Variants in RCC1 observed in about 807,000 individuals in gnomAD.
The protein encoded by RCC1 is regulator of chromosome condensation.
A neutral mutation model predicts 44.4 loss-of-function variants in RCC1; 11 were observed. That is an observed-to-expected ratio of 0.25 (90% CI 0.16 to 0.41). The LOEUF is 0.41. Among genes scored for constraint, RCC1 ranks in the 10% least tolerant of loss-of-function variants. RCC1 has a pLI of 1.00. For synonymous variants in RCC1, 213 were observed against 216.5 expected (o/e 0.98, Z 0.14); for missense variants, 386 against 547.1 (o/e 0.71, Z 2.94).
chr1:28,513,171 G>T (rs1662669063), intron 3 of RCC1, among the ~76,000 whole-genome samples: 1 of 151,808 alleles, frequency 6.6e-6, no homozygotes, highest in Admixed American at 6.6e-5. Flanking sequence ...GGAGTAGCTG[G>T]AATTACAGTC....
intron 3 of RCC1, among the ~76,000 whole-genome samples, chr1:28,514,460 CA>C (rs1156601606): frequency 2.6e-4 from 27 of 104,484 alleles, no homozygotes; most frequent in African/African-American, 8.4e-4. Flanking sequence ...AAAAAAAAAA[CA>C]AAAAAAAAAC....
In RCC1 at chr1:28,508,872, A is replaced by G. The variant is rs1342427143; in HGVS notation, c.-186A>G. The G allele has an allele frequency of 1.9e-6, 1 of 517,004 alleles. No individual in the cohort carries two copies. 32.0% of individuals were successfully genotyped at this position (517,004 alleles called of 1,614,324 possible). ...ACTTCGCATTTTGGCATTGACATTT[A>G]ATTTTAGGGTCCTTTATATAGAAGG... is the stretch of plus-strand genomic sequence containing the variant. On this transcript the variant is annotated 5_prime_UTR_variant, in exon 3 of 13. Coordinates refer to ENST00000683442, the MANE Select transcript of RCC1 (RefSeq NM_001381865.2).
chr1:28,535,974 C>T lies in RCC1; in HGVS notation c.765C>T (p.Ile255=). 6.2e-7 allele frequency: 1 copy of T among 1,614,152 alleles called. No homozygotes were observed. The highest frequency in any genetic ancestry group is 8.5e-7 in the Non-Finnish European group (1 of 1,180,024). ...AFCGAYFTFA[I]SHEGHVYGFG... is the part of the protein sequence containing the mutation. ...GTGGTGCCTATTTCACCTTTGCCAT[C>T]TCCCATGAGGGCCACGTGTACGGCT... The change falls in exon 10 of 13, where the codon ATC becomes ATT. Residue 255 remains isoleucine, a synonymous_variant. Transcript: ENST00000683442.
chr1:28,530,563 C>G (rs1320621795), intron 5 of RCC1: 1 of 1,606,448 alleles, frequency 6.2e-7, no homozygotes, highest in East Asian at 2.2e-5. Context: ...CTGGCGCCCG[C>G]TCCTGCCAAG....
At chr1:28,529,037 ATTTTTTTTTTTT>A (rs779736390) in intron 4 of RCC1, among the ~76,000 whole-genome samples, 1 of 101,894 alleles carries the variant, frequency 9.8e-6, no homozygotes, top group Non-Finnish European at 2.1e-5. Context: ...TAATTTTTGT[ATTTTTTTTTTTT>A]TTTTTGGTGG....
chr1:28,511,826 A>C (rs1662562981), intron 3 of RCC1, among the ~76,000 whole-genome samples: 1 of 150,496 alleles, frequency 6.6e-6, no homozygotes, highest in Non-Finnish European at 1.5e-5. Flanking sequence ...ATGCCCGGCT[A>C]ATTTTTTTTG....
chr1:28,527,454 G>A (rs1295873345), intron 4 of RCC1, among the ~76,000 whole-genome samples: 1 of 152,056 alleles, frequency 6.6e-6, no homozygotes, highest in East Asian at 1.9e-4. Context: ...TGTTGCCCAC[G>A]CTGGTCTTGA....
In RCC1 at chr1:28,536,351, C is replaced by T; in HGVS notation, c.907C>T (p.Gln303Ter). The T allele has an allele frequency of 6.2e-7, 1 of 1,614,120 alleles. No homozygotes were observed. The highest frequency in any genetic ancestry group is 1.3e-5 in the African/African-American group (1 of 75,054). The stretch of plus-strand genomic sequence containing the variant: ...GTCCTGGGTGGGCTTCTCTGGTGGC[C>T]AGCACCATACAGTCTGCATGGATTC... The part of the protein sequence containing the change: ...TKSWVGFSGG[Q>*]HHTVCMDSEG... Residue 303 changes from glutamine to a stop codon, truncating the protein, a stop_gained, in exon 11 of 13, where the codon CAG (glutamine) becomes TAG (stop). Transcript: ENST00000683442. LOFTEE classifies it high-confidence loss of function. This position sits in a 1 kb window ranked among gnomAD's most constrained non-coding sequence, Gnocchi z 4.9.
chr1:28,529,003 C>T (rs1489569880), intron 4 of RCC1, among the ~76,000 whole-genome samples: 1 of 150,310 alleles, frequency 6.7e-6, no homozygotes, highest in Non-Finnish European at 1.5e-5. Context: ...GCTGGGATTA[C>T]AGTCGCACAC....
chr1:28,506,582 A>T (rs1661954895), intron 1 of RCC1: 1 of 203,354 alleles, frequency 4.9e-6, no homozygotes, highest in Non-Finnish European at 1.0e-5. Context: ...GAAGTGGGCC[A>T]TGGAGACCTC....
At chr1:28,506,155 G>A in intron 1 of RCC1, 71 bp downstream of exon 1, 1 of 449,890 alleles carries the variant, frequency 2.2e-6, no homozygotes, top group Non-Finnish European at 4.4e-6. Flanking sequence ...CTATAGATCA[G>A]TAGCCGAGCT....
chr1:28,530,498 C>T, intron 5 of RCC1: 1 of 1,587,050 alleles, frequency 6.3e-7, no homozygotes, highest in Non-Finnish European at 8.5e-7. Context: ...TGGACCCACG[C>T]TCAGACAGTG....
At chr1:28,530,017 C>T in intron 5 of RCC1, 78 bp downstream of exon 5, 1 of 1,163,086 alleles carries the variant, frequency 8.6e-7, no homozygotes, top group Non-Finnish European at 1.3e-6. Context: ...CTCCTTTCTT[C>T]CTGAGGCTTG....
At chr1:28,529,076 T>C (rs1663914440) in intron 4 of RCC1, among the ~76,000 whole-genome samples, 1 of 148,046 alleles carries the variant, frequency 6.8e-6, no homozygotes, top group African/African-American at 2.5e-5. Context: ...GGTTTCACCA[T>C]GTTGGCCAGG....
chr1:28,526,898 GAAAA>G (rs200034684), intron 4 of RCC1: 270 of 655,848 alleles, frequency 4.1e-4, no homozygotes, highest in Non-Finnish European at 5.1e-4. Context: ...CTCCGTCTCG[GAAAA>G]AAAAAAAAAA....
rs889402006 is a variant in RCC1, at chr1:28,538,167, C to G, written c.*160C>G. ...AGAACAGAATCCTTTTCCTCTTTTC[C>G]TTCCTCCTCTTTGGAATTTTCCTGG... On this transcript the variant is annotated 3_prime_UTR_variant, in exon 13 of 13. Transcript: ENST00000683442. 6.3e-6 allele frequency: 4 copies of G among 630,584 alleles called. No homozygotes were observed. Among genetic ancestry groups the G allele is most frequent in the Non-Finnish European group, 1.0e-5 (4 of 384,388 alleles). The allele number at this position is 630,584 out of a possible 1,614,324, so 39.1% of individuals were successfully genotyped here. A position where few individuals can be genotyped will look rare whatever the true frequency, so the allele number is the denominator to read the frequency against.
Position 28,516,865 on chromosome 1 carries a change from G to C in RCC1, c.-12G>C, listed in dbSNP as rs762532112. 4 of 456,522 alleles carry C rather than the reference G, an allele frequency of 8.8e-6. No homozygotes were observed. Among genetic ancestry groups the C allele is most frequent in the South Asian group, 6.2e-5 (4 of 64,568 alleles). 28.3% of individuals were successfully genotyped at this position (456,522 alleles called of 1,614,324 possible). A position where few individuals can be genotyped will look rare whatever the true frequency, so the allele number is the denominator to read the frequency against. On this transcript the variant is annotated splice_region_variant and 5_prime_UTR_variant, in exon 4 of 13. Transcript: ENST00000683442. ...TGATGGAGGCAGAGGTAAACTTGGA[G>C]AGGTAAGAAACCCTGAAGACAGGGG... is the stretch of plus-strand genomic sequence containing the variant.
At chr1:28,526,393 C>T (rs189563628) in intron 4 of RCC1, 50 of 434,280 alleles carry the variant, frequency 1.2e-4, no homozygotes, top group Admixed American at 1.0e-3. Context: ...AACAGCACAC[C>T]GAAGTCTCGA....
At chr1:28,528,532 G>A (rs1663848910) in intron 4 of RCC1, among the ~76,000 whole-genome samples, 1 of 152,168 alleles carries the variant, frequency 6.6e-6, no homozygotes, top group African/African-American at 2.4e-5. Context: ...GAAGGCTGAG[G>A]CACAAGAATT....
Sources: allele counts gnomAD v4.1 joint callset (sites outside exome capture counted in the v4.1 genomes callset), GRCh38; gene constraint gnomAD v4.1.1; non-coding constraint Gnocchi (gnomAD v3.1); transcripts MANE v1.5; gene names NCBI Gene and HGNC (gene_info 2026-07-23, HGNC 2026-07-21).